Variants in PLA2G6 observed in about 807,000 individuals in gnomAD.
PLA2G6 encodes the protein phospholipase A2 group VI.
PLA2G6 carries 62 observed loss-of-function variants against 83.8 expected under a neutral mutation model. The observed-to-expected ratio is 0.74, with a 90% confidence interval of 0.60 to 0.91. The LOEUF (loss-of-function observed/expected upper bound fraction) is 0.91, where lower values mean the gene tolerates loss of function less well. PLA2G6 is among the 40% of genes least tolerant of loss of function. PLA2G6 has a pLI of 0.00. For missense variants in PLA2G6, 944 were observed against 1,102.0 expected, an observed-to-expected ratio of 0.86 and a Z score of 2.03; for synonymous variants, 417 against 449.8, an observed-to-expected ratio of 0.93 and a Z score of 0.92.
rs1309569490 is a variant in PLA2G6 at position 38,145,539 on chromosome 22, CTGCAGGACCTCAGTG to C, written c.309_323del (p.His103_Leu107del). On this transcript the variant is annotated inframe_deletion, in exon 3 of 17. Coordinates refer to ENST00000332509, the MANE Select transcript of PLA2G6 (RefSeq NM_003560.4). ...GGTTACGGATGAGGTCGGTCAGGTG[CTGCAGGACCTCAGTG>C]TGCAGGACCTGAGGGGAGCTCTCAT... is the stretch of plus-strand genomic sequence containing the variant. 6.2e-7 allele frequency: 1 copy of C among 1,613,784 alleles called. No homozygotes were observed. Among genetic ancestry groups the C allele is most frequent in the Non-Finnish European group, 8.5e-7 (1 of 1,179,912 alleles).
At chr22:38,116,720 G>C (rs956117018) in intron 12 of PLA2G6, among the ~76,000 whole-genome samples, 1 of 151,644 alleles carries the variant, frequency 6.6e-6, no homozygotes, top group Non-Finnish European at 1.5e-5. Context: ...GTGTGGTTGC[G>C]CATGCCTGTA....
At position 38,123,872 on chromosome 22, in the gene PLA2G6, G is replaced by A. The variant is rs530227205; in HGVS notation, c.1428-614C>T. On this transcript the variant is annotated intron_variant, in intron 10 of 16. Coordinates refer to ENST00000332509, the MANE Select transcript of PLA2G6 (RefSeq NM_003560.4). The surrounding 1 kb of genome is among the most constrained non-coding windows in gnomAD (Gnocchi z 4.1). ...TATTTAGAGACGGAGTTTCACTCTT[G>A]TTGCCCAGGCTGGAGTGCAATAACG... is the stretch of plus-strand genomic sequence containing the variant. 6.6e-6 allele frequency among the ~76,000 whole-genome samples: 1 copy of A among 152,284 alleles called. No individual in the cohort carries two copies. Among genetic ancestry groups the A allele is most frequent in the Non-Finnish European group, 1.5e-5 (1 of 68,020 alleles).
Position 38,133,025 on chromosome 22 carries a change from G to T in PLA2G6, c.895-12C>A. Reference sequence around the variant, plus strand: ...AGCATGCGGGCCATCTGCGGGAGACGGTCAGGCTGAGTTAGCACAGGCACT... The same window carrying T: ...AGCATGCGGGCCATCTGCGGGAGACTGTCAGGCTGAGTTAGCACAGGCACT... On this transcript the variant is annotated splice_polypyrimidine_tract_variant and intron_variant, in intron 6 of 16. Coordinates refer to ENST00000332509, the MANE Select transcript of PLA2G6 (RefSeq NM_003560.4). The T allele has an allele frequency of 6.4e-7, 1 of 1,555,894 alleles. No homozygotes were observed. The highest frequency in any genetic ancestry group is 8.7e-7 in the Non-Finnish European group (1 of 1,152,266).
chr22:38,166,200 C>T (rs556901903), intron 2 of PLA2G6, among the ~76,000 whole-genome samples: 5 of 152,172 alleles, frequency 3.3e-5, no homozygotes, highest in East Asian at 1.9e-4. Flanking sequence ...CTGGCCAATG[C>T]GTGCAACTTC....
intron 3 of PLA2G6, chr22:38,144,189 G>A (rs920147118): frequency 1.3e-5 from 2 of 152,544 alleles, no homozygotes; most frequent in African/African-American, 2.4e-5. Context: ...AGGGGCAACA[G>A]CTGCTCCATC....
chr22:38,137,324 C>T (rs1411240785), intron 5 of PLA2G6: 1 of 152,490 alleles, frequency 6.6e-6, no homozygotes, highest in Non-Finnish European at 1.5e-5. Flanking sequence ...GGCTAGTGTC[C>T]ATGGCTTGGC....
chr22:38,171,041 G>A (rs925887448), intron 1 of PLA2G6, among the ~76,000 whole-genome samples: 3 of 151,664 alleles, frequency 2.0e-5, no homozygotes, highest in African/African-American at 4.8e-5. Context: ...GCATGGTGGC[G>A]CATGCCTGTA....
Position 38,128,538 on chromosome 22 carries a change from G to T in PLA2G6, c.1187-108C>A. 7.8e-7 allele frequency: 1 copy of T among 1,277,440 alleles called. No homozygotes were observed. The highest frequency in any genetic ancestry group is 1.1e-6 in the Non-Finnish European group (1 of 907,260). 79.1% of individuals were successfully genotyped at this position (1,277,440 alleles called of 1,614,324 possible). On this transcript the variant is annotated intron_variant, in intron 8 of 16. Coordinates refer to ENST00000332509, the MANE Select transcript of PLA2G6 (RefSeq NM_003560.4). The surrounding 1 kb of genome is among the most constrained non-coding windows in gnomAD (Gnocchi z 4.4). The stretch of plus-strand genomic sequence containing the variant: ...CTCCGTCCCCTGTCCCAGCTCCCAG[G>T]CCCTGGGCACGTGGGCTGCTCCAGA...
intron 1 of PLA2G6, among the ~76,000 whole-genome samples, chr22:38,181,256 A>G (rs1215958537): frequency 6.6e-6 from 1 of 152,014 alleles, no homozygotes; most frequent in East Asian, 1.9e-4. Context: ...CACGCGAGAG[A>G]GGAAAGGCAA....
intron 2 of PLA2G6, among the ~76,000 whole-genome samples, chr22:38,168,503 G>A (rs2090308581): frequency 1.3e-5 from 2 of 152,314 alleles, no homozygotes; most frequent in Middle Eastern, 6.8e-3. Context: ...GCTCTGTCCA[G>A]CCTTCCTAAG....
At chr22:38,139,027 C>T (rs1381957773) in intron 5 of PLA2G6, 1 of 152,172 alleles carries the variant, frequency 6.6e-6, no homozygotes, top group Admixed American at 6.6e-5. Flanking sequence ...TCCCCTACCC[C>T]TTTGAAGACA....
At chr22:38,112,362 G>A (rs2086916203) in intron 16 of PLA2G6, 57 bp from the exon 17 acceptor site, 2 of 1,589,634 alleles carry the variant, frequency 1.3e-6, no homozygotes, top group Non-Finnish European at 1.7e-6. Context: ...GGCAGGGGAC[G>A]CCAGCTAGGA....
intron 5 of PLA2G6, 104 bp from the exon 6 acceptor site, chr22:38,135,188 C>T: frequency 1.2e-6 from 1 of 801,582 alleles, no homozygotes; most frequent in Non-Finnish European, 2.2e-6. Context: ...GAGAGCATCA[C>T]TGCAAACAAA....
At chr22:38,115,807 C>T (rs2087155587) in intron 13 of PLA2G6, 126 bp from the exon 14 acceptor site, 1 of 1,483,774 alleles carries the variant, frequency 6.7e-7, no homozygotes. Flanking sequence ...GGGAACTCTT[C>T]AGAAGCAGGA....
intron 10 of PLA2G6, among the ~76,000 whole-genome samples, chr22:38,124,792 G>C (rs913589124): frequency 1.3e-5 from 2 of 152,192 alleles, no homozygotes; most frequent in Admixed American, 1.3e-4. Context: ...CCACCTCTAG[G>C]GGTCTTTTCC....
intron 2 of PLA2G6, chr22:38,147,344 G>A: frequency 5.9e-6 from 1 of 168,884 alleles, no homozygotes; most frequent in Middle Eastern, 5.3e-4. Flanking sequence ...GTTTTGTCTT[G>A]CATACCTCTA....
chr22:38,171,084 A>G (rs1201140543), intron 1 of PLA2G6, among the ~76,000 whole-genome samples: 1 of 151,374 alleles, frequency 6.6e-6, no homozygotes, highest in Non-Finnish European at 1.5e-5. Flanking sequence ...AGGCAGAAGA[A>G]TCGCTTGAAC....
intron 6 of PLA2G6, chr22:38,134,748 A>G: frequency 1.8e-6 from 1 of 549,664 alleles, no homozygotes; most frequent in Non-Finnish European, 3.3e-6. Flanking sequence ...TCACATCGCC[A>G]AAGCAGAATT....
intron 2 of PLA2G6, chr22:38,149,183 G>A (rs368596408): frequency 5.3e-5 from 8 of 152,180 alleles, no homozygotes; most frequent in African/African-American, 1.2e-4. Flanking sequence ...TTATTTCTAC[G>A]AGCATACTTG....
Sources: gnomAD v4.1 joint callset for allele counts (sites outside exome capture counted in the v4.1 genomes callset) on GRCh38, gnomAD v4.1.1 for gene constraint, Gnocchi (gnomAD v3.1) non-coding constraint, MANE v1.5 for transcripts, NCBI Gene and HGNC (gene_info 2026-07-23, HGNC 2026-07-21) for gene names.